WWOX: variants seen among roughly 807,000 people sequenced by gnomAD.
The protein encoded by WWOX is WW domain-containing oxidoreductase.
In WWOX, 69 loss-of-function variants were observed where a neutral mutation model predicts 46.2. That is an observed-to-expected ratio of 1.49 (90% CI 1.23 to 1.82). The LOEUF (loss-of-function observed/expected upper bound fraction) is 1.82, where lower values mean the gene tolerates loss of function less well. WWOX is among the 40% of genes most tolerant of loss of function. WWOX has a pLI of 0.00. For synonymous variants in WWOX, 359 were observed against 202.6 expected (o/e 1.77, Z -6.56); for missense variants, 919 against 542.6 (o/e 1.69, Z -6.89).
intron 8 of WWOX, among the ~76,000 whole-genome samples, chr16:78,657,566 G>A (rs964662436): frequency 1.2e-4 from 19 of 152,182 alleles, no homozygotes; most frequent in Non-Finnish European, 2.2e-4. Flanking sequence ...ACGTGACCCT[G>A]GCCGGGACTG....
intron 8 of WWOX, among the ~76,000 whole-genome samples, chr16:79,134,700 A>T (rs2049949764): frequency 1.3e-5 from 2 of 152,210 alleles, no homozygotes; most frequent in Admixed American, 6.5e-5. Flanking sequence ...TAGACATGTC[A>T]TGAAGGGACT....
intron 8 of WWOX, among the ~76,000 whole-genome samples, chr16:78,665,838 C>T (rs1000554499): frequency 2.0e-5 from 3 of 152,156 alleles, no homozygotes; most frequent in Admixed American, 6.5e-5. Context: ...GCATGCACCA[C>T]CATGCCCGGC....
chr16:78,809,595 C>T (rs1293400906), intron 8 of WWOX, among the ~76,000 whole-genome samples: 1 of 152,152 alleles, frequency 6.6e-6, no homozygotes, highest in Non-Finnish European at 1.5e-5. Context: ...TTCTTTCCCT[C>T]CTCCTATCAG....
At chr16:78,903,974 G>C (rs899537293) in intron 8 of WWOX, among the ~76,000 whole-genome samples, 1 of 152,128 alleles carries the variant, frequency 6.6e-6, no homozygotes, top group Non-Finnish European at 1.5e-5. Flanking sequence ...GAGACTCCTT[G>C]TGTGTAGTAA....
chr16:79,015,599 A>G (rs1371263322), intron 8 of WWOX, among the ~76,000 whole-genome samples: 1 of 152,100 alleles, frequency 6.6e-6, no homozygotes, highest in Admixed American at 6.6e-5. Flanking sequence ...GTTGGGTTCC[A>G]TATTCATATC....
chr16:78,928,073 G>T (rs1307080110), intron 8 of WWOX, among the ~76,000 whole-genome samples: 1 of 152,066 alleles, frequency 6.6e-6, no homozygotes, highest in Non-Finnish European at 1.5e-5. Flanking sequence ...CCTGGATACT[G>T]TGGTCGCCTG....
intron 8 of WWOX, among the ~76,000 whole-genome samples, chr16:78,672,125 A>C (rs2047479142): frequency 6.6e-6 from 1 of 152,196 alleles, no homozygotes; most frequent in African/African-American, 2.4e-5. Flanking sequence ...GGATACCGGC[A>C]GGGCAGCAAA....
intron 8 of WWOX, among the ~76,000 whole-genome samples, chr16:78,522,863 G>C (rs1206823891): frequency 2.0e-5 from 3 of 152,190 alleles, no homozygotes; most frequent in African/African-American, 7.2e-5. Context: ...CTCGAGGTCA[G>C]GAGTTTGAGA....
At chr16:79,156,849 C>A (rs975756388) in intron 8 of WWOX, among the ~76,000 whole-genome samples, 1 of 138,456 alleles carries the variant, frequency 7.2e-6, no homozygotes, top group African/African-American at 3.1e-5. Flanking sequence ...ATTTCATCTT[C>A]TCTACAGGCT....
chr16:79,070,895 A>T (rs2048537571), intron 8 of WWOX, among the ~76,000 whole-genome samples: 1 of 152,102 alleles, frequency 6.6e-6, no homozygotes, highest in Non-Finnish European at 1.5e-5. Flanking sequence ...AAACTTTTTG[A>T]AGTAGCATCG....
intron 8 of WWOX, among the ~76,000 whole-genome samples, chr16:78,665,984 C>T (rs1408197260): frequency 6.6e-6 from 1 of 151,216 alleles, no homozygotes; most frequent in Non-Finnish European, 1.5e-5. Flanking sequence ...TGCGCCTGGC[C>T]AAGATACTGA....
At chr16:78,981,706 T>A (rs2046686095) in intron 8 of WWOX, 1 of 152,240 alleles carries the variant, frequency 6.6e-6, no homozygotes, top group Admixed American at 6.5e-5. Context: ...GGATTACAGG[T>A]GTGAGACATT....
At chr16:78,746,427 G>T (rs956620100) in intron 8 of WWOX, among the ~76,000 whole-genome samples, 3 of 152,114 alleles carry the variant, frequency 2.0e-5, no homozygotes, top group Non-Finnish European at 4.4e-5. Flanking sequence ...GAGCCCAGGA[G>T]TTTAAGGCTG....
intron 4 of WWOX, among the ~76,000 whole-genome samples, chr16:78,148,776 T>C (rs1234574250): frequency 6.6e-6 from 1 of 151,720 alleles, no homozygotes; most frequent in Non-Finnish European, 1.5e-5. Context: ...CGGGCGCCTG[T>C]AGTCCCAGCT....
At chr16:78,360,852 A>G (rs1317653988) in intron 5 of WWOX, among the ~76,000 whole-genome samples, 3 of 150,534 alleles carry the variant, frequency 2.0e-5, no homozygotes, top group African/African-American at 7.3e-5. Flanking sequence ...ACACGGTCTC[A>G]CTCTGTCACC....
Position 78,432,543 on chromosome 16 carries a change from A to T in WWOX, c.847A>T (p.Thr283Ser). The T allele has an allele frequency of 6.2e-7, 1 of 1,614,162 alleles. No individual in the cohort carries two copies. The highest frequency in any genetic ancestry group is 8.5e-7 in the Non-Finnish European group (1 of 1,180,008). The change falls in exon 8 of 9, where the codon ACA (threonine) becomes TCA (serine). Residue 283 changes from threonine (T) to serine (S), a missense_variant. Coordinates refer to ENST00000566780, the MANE Select transcript of WWOX (RefSeq NM_016373.4). ...GKLDFSRLSP[T>S]KNDYWAMLAY... Reference sequence around the variant, plus strand: ...ACTGGACTTCAGTCGCCTCTCTCCAACAAAAAACGACTATTGGGCGATGCT... The same window carrying T: ...ACTGGACTTCAGTCGCCTCTCTCCATCAAAAAACGACTATTGGGCGATGCT...
chr16:79,088,807 C>T (rs1027938269), intron 8 of WWOX, among the ~76,000 whole-genome samples: 2 of 152,174 alleles, frequency 1.3e-5, no homozygotes, highest in Admixed American at 6.5e-5. Context: ...GAGAATTCAT[C>T]GTCCACCCAA....
At chr16:79,036,596 T>C (rs2047871371) in intron 8 of WWOX, among the ~76,000 whole-genome samples, 1 of 152,206 alleles carries the variant, frequency 6.6e-6, no homozygotes, top group Non-Finnish European at 1.5e-5. Flanking sequence ...ATGAATGATC[T>C]GTCCTTCTAT....
At chr16:78,863,057 C>G (rs1308417063) in intron 8 of WWOX, among the ~76,000 whole-genome samples, 5 of 149,784 alleles carry the variant, frequency 3.3e-5, no homozygotes, top group East Asian at 4.0e-4. Context: ...CTCCCAGGTT[C>G]AAGCGATTCT....
Sources: allele counts gnomAD v4.1 joint callset (sites outside exome capture counted in the v4.1 genomes callset), GRCh38; gene constraint gnomAD v4.1.1; transcripts MANE v1.5; gene names NCBI Gene and HGNC (gene_info 2026-07-23, HGNC 2026-07-21).